SHROOM4: variants seen among roughly 807,000 people sequenced by gnomAD.
The protein encoded by SHROOM4 is shroom family member 4.
In SHROOM4, 17 loss-of-function variants were observed where a neutral mutation model predicts 80.3. That is an observed-to-expected ratio of 0.21 (90% CI 0.14 to 0.32). The LOEUF is 0.32. Among genes scored for constraint, SHROOM4 ranks in the 10% least tolerant of loss-of-function variants. The pLI, the probability that SHROOM4 is intolerant of heterozygous loss-of-function variation, is 1.00. For missense variants in SHROOM4, 993 were observed against 1,140.3 expected (o/e 0.87, Z 1.86); for synonymous variants, 400 against 437.5 (o/e 0.91, Z 1.07).
intron 7 of SHROOM4, 80 bp from the exon 8 acceptor site, chrX:50,598,615 T>C: frequency 9.1e-7 from 1 of 1,100,397 alleles, no homozygotes; most frequent in East Asian, 3.3e-5. Flanking sequence ...ACCTCTGTTT[T>C]GGAATCCAAG....
intron 1 of SHROOM4, among the ~76,000 whole-genome samples, chrX:50,721,541 T>G (rs911577778): frequency 3.6e-5 from 4 of 111,313 alleles, no homozygotes; most frequent in Non-Finnish European, 7.5e-5. Context: ...TTGGTTTTGG[T>G]GGGTTTTAGC....
intron 1 of SHROOM4, among the ~76,000 whole-genome samples, chrX:50,789,244 A>G (rs1330679233): frequency 8.9e-6 from 1 of 111,892 alleles, no homozygotes; most frequent in Admixed American, 9.5e-5. Context: ...TCTCCAGAAT[A>G]GATCACATGC....
chrX:50,647,894 G>T (rs1427183691), intron 2 of SHROOM4, among the ~76,000 whole-genome samples: 1 of 112,192 alleles, frequency 8.9e-6, no homozygotes, highest in Non-Finnish European at 1.9e-5. Flanking sequence ...AGACCCAGCA[G>T]AGCTGGAGCA....
chrX:50,577,707 G>A, the SHROOM4 span, among the ~76,000 whole-genome samples: 6 of 111,790 alleles, frequency 5.4e-5, no homozygotes, highest in East Asian at 1.4e-3. Flanking sequence ...TACAGAAATC[G>A]GCAGAAATAT....
intron 2 of SHROOM4, among the ~76,000 whole-genome samples, chrX:50,651,378 G>T (rs1557258741): frequency 7.2e-5 from 8 of 111,672 alleles, no homozygotes; most frequent in Non-Finnish European, 1.5e-4. Flanking sequence ...TCAGGCTTAG[G>T]GAGGTGAAAT....
chrX:50,649,175 G>A (rs1931948870), intron 2 of SHROOM4, among the ~76,000 whole-genome samples: 1 of 112,123 alleles, frequency 8.9e-6, no homozygotes, highest in African/African-American at 3.2e-5. Context: ...AAATAGCAAA[G>A]TCATAGGCAA....
At chrX:50,761,087 T>C (rs1295893636) in intron 1 of SHROOM4, among the ~76,000 whole-genome samples, 1 of 111,779 alleles carries the variant, frequency 8.9e-6, no homozygotes, top group African/African-American at 3.3e-5. Context: ...GTTTGTTATA[T>C]AGGTAAACTC....
rs1226734461 is a variant in SHROOM4, at chrX:50,635,293, C to T, written c.780G>A (p.Glu260=). Residue 260 remains glutamate, a synonymous_variant, in exon 4 of 9, where the codon GAG becomes GAA. Coordinates refer to ENST00000376020, the MANE Select transcript of SHROOM4 (RefSeq NM_020717.5). ...CTTTGGCGGGCCCTGACTGGTATCC[C>T]TCCTGTGGACGGGATGACATCTGAG... is the stretch of plus-strand genomic sequence containing the variant. ...PSSQMSSRPQ[E]GYQSGPAKAV... is the part of the protein sequence containing the mutation. 1.7e-6 allele frequency: 2 copies of T among 1,200,797 alleles called. No homozygotes were observed. Among genetic ancestry groups the T allele is most frequent in the African/African-American group, 1.7e-5 (1 of 57,667 alleles).
At chrX:50,702,095 TAGCCAAATACCCAATA>T (rs1933532379) in intron 1 of SHROOM4, among the ~76,000 whole-genome samples, 1 of 112,184 alleles carries the variant, frequency 8.9e-6, no homozygotes, top group Non-Finnish European at 1.9e-5. Flanking sequence ...CTAAAAGAGA[TAGCCAAATACCCAATA>T]AGCATCTGAA....
rs1449717245 is a variant in SHROOM4 at position 50,633,747 on chromosome X, A to G, written c.2326T>C (p.Phe776Leu). The G allele has an allele frequency of 2.5e-6, 3 of 1,210,639 alleles. No homozygotes were observed. In the East Asian group the frequency reaches 8.9e-5, roughly 36 times the overall value. Residue 776 changes from phenylalanine to leucine, a missense_variant, in exon 4 of 9, where the codon TTC becomes CTC. Coordinates refer to ENST00000376020, the MANE Select transcript of SHROOM4 (RefSeq NM_020717.5). ...AAGGATTTGCTACTCTCTTCAAAGA[A>G]CTTTCTTCTGTCTGCAAAAGGCAAG... ...ILLPFADRRK[F>L]FEESSKSLST...
At chrX:50,627,750 G>A in intron 4 of SHROOM4, 75 bp from the exon 5 acceptor site, 1 of 872,319 alleles carries the variant, frequency 1.1e-6, no homozygotes, top group Non-Finnish European at 1.7e-6. Context: ...AATGTGAAGA[G>A]GTCAGGAGCC....
rs782244510 is a variant in SHROOM4, at chrX:50,622,846, T to G, written c.2957+4768A>C. Among the ~76,000 whole-genome samples the G allele has an allele frequency of 5.6e-4, 63 of 112,426 alleles. No homozygotes were observed. In the South Asian group the frequency reaches 0.023, roughly 41 times the overall value. Reference sequence around the variant, plus strand: ...TCAGTGTCAATACTTCCTTTTCTATTGAGCTTTCCTTTCTGTTTTAAACTT... The same window carrying G: ...TCAGTGTCAATACTTCCTTTTCTATGGAGCTTTCCTTTCTGTTTTAAACTT... On this transcript the variant is annotated intron_variant, in intron 5 of 8. Transcript: ENST00000376020.
In SHROOM4 at chrX:50,765,105, A is replaced by G. The variant is rs782173459; in HGVS notation, c.117+48797T>C. Among the ~76,000 whole-genome samples the G allele has an allele frequency of 2.8e-3, 310 of 111,894 alleles. 1 individual carries two copies. The highest frequency in any genetic ancestry group is 9.2e-3 in the African/African-American group (283 of 30,767). ...CCTCCCACTAGGTCCCTCCCATGAC[A>G]CATGGCAATTATGGGAGCTACAATT... is the stretch of plus-strand genomic sequence containing the variant. On this transcript the variant is annotated intron_variant, in intron 1 of 8. Transcript: ENST00000376020.
At chrX:50,625,503 G>A (rs1011648272) in intron 5 of SHROOM4, among the ~76,000 whole-genome samples, 10 of 111,746 alleles carry the variant, frequency 8.9e-5, no homozygotes, top group Non-Finnish European at 1.7e-4. Context: ...ACAGGGAAAT[G>A]AAAACAACCA....
chrX:50,702,051 A>C (rs1462111628), intron 1 of SHROOM4, among the ~76,000 whole-genome samples: 5 of 112,354 alleles, frequency 4.5e-5, no homozygotes, highest in Non-Finnish European at 5.6e-5. Context: ...CAAATAGCCA[A>C]TTAACAATTG....
At chrX:50,601,922 G>A (rs1409116678) in intron 7 of SHROOM4, among the ~76,000 whole-genome samples, 2 of 111,198 alleles carry the variant, frequency 1.8e-5, no homozygotes, top group African/African-American at 3.3e-5. Context: ...TACTTACAAG[G>A]CTGGCTTAAT....
chrX:50,638,232 T>C lies in SHROOM4; in HGVS notation c.346A>G (p.Thr116Ala), dbSNP rs1204364562. The change falls in exon 3 of 9, where the codon ACC becomes GCC. Residue 116 changes from threonine to alanine, a missense_variant. Coordinates refer to ENST00000376020, the MANE Select transcript of SHROOM4 (RefSeq NM_020717.5). ...LLEGCPEAAT[T>A]MHFPSEAFSL... is the part of the protein sequence containing the mutation. ...AAGGCTTCAGAAGGGAAATGCATGG[T>C]GGTGGCTGCTTCAGGGCATCCCTCC... The C allele has an allele frequency of 3.3e-6, 4 of 1,208,496 alleles. No individual in the cohort carries two copies. Among genetic ancestry groups the C allele is most frequent in the Admixed American group, 2.2e-5 (1 of 45,674 alleles).
At chrX:50,677,960 ATTC>A (rs1932875179) in intron 2 of SHROOM4, among the ~76,000 whole-genome samples, 2 of 111,568 alleles carry the variant, frequency 1.8e-5, no homozygotes, top group African/African-American at 6.5e-5. Context: ...AGTATGAGTC[ATTC>A]AAAAGGGGAA....
At chrX:50,739,391 G>A (rs1475162776) in intron 1 of SHROOM4, among the ~76,000 whole-genome samples, 1 of 111,305 alleles carries the variant, frequency 9.0e-6, no homozygotes, top group Admixed American at 9.5e-5. Flanking sequence ...AGAGTGAACA[G>A]GCAGCCTACA....
Sources: allele counts gnomAD v4.1 joint callset (sites outside exome capture counted in the v4.1 genomes callset), GRCh38; gene constraint gnomAD v4.1.1; transcripts MANE v1.5; gene names NCBI Gene and HGNC (gene_info 2026-07-23, HGNC 2026-07-21).